BTBD9: variants seen among roughly 807,000 people sequenced by gnomAD.
BTBD9 encodes the protein BTB domain containing 9, also known as BTB/POZ domain-containing protein 9.
Under a neutral mutation model 64.3 loss-of-function variants are expected in BTBD9, and 49 were observed. That is an observed-to-expected ratio of 0.76 (90% CI 0.61 to 0.97). BTBD9 has a LOEUF of 0.97. BTBD9 is among the 50% of genes least tolerant of loss of function. The pLI, the probability that BTBD9 is intolerant of heterozygous loss-of-function variation, is 0.00. For synonymous variants in BTBD9, 260 were observed against 274.7 expected, an observed-to-expected ratio of 0.95 and a Z score of 0.53; for missense variants, 598 against 762.1, an observed-to-expected ratio of 0.78 and a Z score of 2.53.
At chr6:38,373,028 G>C (rs978148740) in intron 6 of BTBD9, among the ~76,000 whole-genome samples, 1 of 152,110 alleles carries the variant, frequency 6.6e-6, no homozygotes, top group Non-Finnish European at 1.5e-5. Flanking sequence ...TTTTTCTGCA[G>C]TTTGAGGGCT....
intron 7 of BTBD9, among the ~76,000 whole-genome samples, chr6:38,319,500 AC>A (rs1235602330): frequency 6.6e-6 from 1 of 151,862 alleles, no homozygotes; most frequent in Non-Finnish European, 1.5e-5. Context: ...TTTAGTCAGC[AC>A]GTGATGAATC....
chr6:38,338,717 C>T (rs1368503561), intron 7 of BTBD9, among the ~76,000 whole-genome samples: 1 of 152,116 alleles, frequency 6.6e-6, no homozygotes, highest in Non-Finnish European at 1.5e-5. Flanking sequence ...TGCTGAATGC[C>T]ACACTCTAAT....
chr6:38,321,634 T>C (rs927123334), intron 7 of BTBD9, among the ~76,000 whole-genome samples: 1 of 152,170 alleles, frequency 6.6e-6, no homozygotes, highest in Non-Finnish European at 1.5e-5. Context: ...TTGCCATAAG[T>C]TTAAATTTGT....
chr6:38,320,115 C>A (rs148815846), intron 7 of BTBD9, among the ~76,000 whole-genome samples: 1 of 152,206 alleles, frequency 6.6e-6, no homozygotes, highest in South Asian at 2.1e-4. Flanking sequence ...CCCAAATGCA[C>A]GGATTCTCTC....
intron 6 of BTBD9, among the ~76,000 whole-genome samples, chr6:38,385,474 G>C (rs1766115407): frequency 6.6e-6 from 1 of 152,064 alleles, no homozygotes; most frequent in Admixed American, 6.6e-5. Flanking sequence ...ATAGGCGTGA[G>C]CCACCACACC....
intron 6 of BTBD9, among the ~76,000 whole-genome samples, chr6:38,567,670 C>T (rs1775583213): frequency 6.6e-6 from 1 of 152,286 alleles, no homozygotes; most frequent in Non-Finnish European, 1.5e-5. Context: ...TGGCAGCCGA[C>T]AAGCAATCTG....
At chr6:38,391,645 T>C (rs921758912) in intron 6 of BTBD9, among the ~76,000 whole-genome samples, 7 of 152,002 alleles carry the variant, frequency 4.6e-5, no homozygotes, top group African/African-American at 1.7e-4. Context: ...TTTTTTTTTT[T>C]TTTTATAGCC....
chr6:38,518,933 C>A (rs573899188), intron 6 of BTBD9, among the ~76,000 whole-genome samples: 1 of 151,980 alleles, frequency 6.6e-6, no homozygotes, highest in African/African-American at 2.4e-5. Context: ...AGTGATATAC[C>A]AATTAAAGAA....
intron 8 of BTBD9, among the ~76,000 whole-genome samples, chr6:38,283,247 A>G (rs978968677): frequency 3.3e-5 from 5 of 152,230 alleles, no homozygotes; most frequent in Admixed American, 2.0e-4. Flanking sequence ...AAACTCTCAG[A>G]AAAGGAAGAA....
At chr6:38,179,579 A>G (rs6458044) in intron 10 of BTBD9, 298,733 of 456,602 alleles carry the variant, frequency 0.65, 102,465 homozygotes, top group Non-Finnish European at 0.74. Context: ...CCCACAGCGC[A>G]GCTCCTGCCC....
chr6:38,344,920 G>C (rs1764223400), intron 7 of BTBD9, 64 bp downstream of exon 7: 1 of 1,085,982 alleles, frequency 9.2e-7, no homozygotes, highest in African/African-American at 1.6e-5. Context: ...AGTTAAGAGA[G>C]TAACAAAGTA....
chr6:38,197,561 C>T (rs1454177635), intron 9 of BTBD9, among the ~76,000 whole-genome samples: 3 of 152,134 alleles, frequency 2.0e-5, no homozygotes, highest in African/African-American at 4.8e-5. Context: ...AGTGACCATC[C>T]GCTAAAGTCT....
intron 6 of BTBD9, among the ~76,000 whole-genome samples, chr6:38,448,543 G>A (rs936040647): frequency 5.9e-5 from 9 of 151,852 alleles, no homozygotes; most frequent in Admixed American, 3.3e-4. Flanking sequence ...AGACAGTCTC[G>A]CTTTGTCTCT....
rs138815360 is a variant in BTBD9 at position 38,634,368 on chromosome 6, A to C, written c.-28+5432T>G. On this transcript the variant is annotated intron_variant, in intron 1 of 10. Coordinates refer to ENST00000481247, the MANE Select transcript of BTBD9 (RefSeq NM_001099272.2). Reference sequence around the variant, plus strand: ...ATATGTCCTTAGATTCAGATTCTCTACATCCATGTTTCTGTGATTATACCT... The same window carrying C: ...ATATGTCCTTAGATTCAGATTCTCTCCATCCATGTTTCTGTGATTATACCT... 2.7e-3 allele frequency among the ~76,000 whole-genome samples: 410 copies of C among 152,290 alleles called. 2 individuals are homozygous for C. Among genetic ancestry groups the C allele is most frequent in the African/African-American group, 9.4e-3 (389 of 41,556 alleles).
chr6:38,214,108 C>T (rs1174923276), intron 9 of BTBD9, among the ~76,000 whole-genome samples: 1 of 152,092 alleles, frequency 6.6e-6, no homozygotes, highest in Non-Finnish European at 1.5e-5. Flanking sequence ...GATGACTTTT[C>T]GGGTCTGTCT....
intron 6 of BTBD9, among the ~76,000 whole-genome samples, chr6:38,448,090 G>T (rs1769358520): frequency 1.3e-5 from 2 of 152,274 alleles, no homozygotes; most frequent in Middle Eastern, 6.8e-3. Context: ...TGTGTCAAGG[G>T]ACATACGGGA....
chr6:38,509,942 C>T (rs80138350), intron 6 of BTBD9, among the ~76,000 whole-genome samples: 9,711 of 152,228 alleles, frequency 0.064, 477 homozygotes, highest in Non-Finnish European at 0.093. Flanking sequence ...TGTGCTAGTA[C>T]ACAGCATACC....
intron 6 of BTBD9, among the ~76,000 whole-genome samples, chr6:38,508,032 A>C (rs941384605): frequency 6.6e-6 from 1 of 151,588 alleles, no homozygotes; most frequent in Non-Finnish European, 1.5e-5. Context: ...ACGGGGTTTC[A>C]CTGTGTTAGC....
At chr6:38,197,475 CGTGTCT>C (rs1216267061) in intron 9 of BTBD9, among the ~76,000 whole-genome samples, 1 of 152,166 alleles carries the variant, frequency 6.6e-6, no homozygotes, top group African/African-American at 2.4e-5. Context: ...ACCTCATTTA[CGTGTCT>C]GTGTCATGCC....
Sources: gnomAD v4.1 joint callset for allele counts (sites outside exome capture counted in the v4.1 genomes callset) on GRCh38, gnomAD v4.1.1 for gene constraint, MANE v1.5 for transcripts, NCBI Gene and HGNC (gene_info 2026-07-23, HGNC 2026-07-21) for gene names.